Variants in CLU observed in about 807,000 individuals in gnomAD.
CLU encodes aging-associated protein 4.
CLU carries 25 observed loss-of-function variants against 46.4 expected under a neutral mutation model. That is an observed-to-expected ratio of 0.54 (90% CI 0.39 to 0.75). The LOEUF (loss-of-function observed/expected upper bound fraction) is 0.75, where lower values mean the gene tolerates loss of function less well. Ranked by LOEUF, CLU falls within the 30% of genes least tolerant of loss-of-function variation. The pLI is 0.00. For synonymous variants in CLU, 235 were observed against 235.1 expected (o/e 1.00, Z 0.00); for missense variants, 504 against 592.1 (o/e 0.85, Z 1.54).
At chr8:27,603,682 C>T (rs906613745) in intron 6 of CLU, among the ~76,000 whole-genome samples, 12 of 152,170 alleles carry the variant, frequency 7.9e-5, no homozygotes, top group African/African-American at 2.4e-4. Flanking sequence ...TACTGAGACC[C>T]GTGACTTCTG....
chr8:27,608,695 T>C (rs1226205421), intron 3 of CLU: 5 of 596,550 alleles, frequency 8.4e-6, no homozygotes, highest in Non-Finnish European at 1.5e-5. Flanking sequence ...TCTATTGAAA[T>C]GAATCTGGGC....
rs199674428 is a variant in CLU, at chr8:27,608,892, C to T, written c.246+46G>A. 3.1e-6 allele frequency: 5 copies of T among 1,610,502 alleles called. No homozygotes were observed. In the South Asian group the frequency reaches 4.4e-5, roughly 14 times the overall value. The stretch of plus-strand genomic sequence containing the variant: ...CGCGCAGTGACCCCCTCCCTCCCCT[C>T]CAGTGGGATGGTCAAGGCAGGGAGG... On this transcript the variant is annotated intron_variant, in intron 3 of 8. Transcript: ENST00000316403.
chr8:27,605,398 C>A, intron 4 of CLU, 63 bp from the exon 5 acceptor site: 3 of 1,569,750 alleles, frequency 1.9e-6, no homozygotes, highest in Non-Finnish European at 2.6e-6. Flanking sequence ...TCCTGGCCTC[C>A]CACCCCCTGG....
chr8:27,611,588 T>C (rs953109057), intron 1 of CLU: 8 of 457,602 alleles, frequency 1.7e-5, no homozygotes, highest in South Asian at 1.2e-4. Flanking sequence ...AAGAACTGCT[T>C]ATCTGAGCTC....
intron 1 of CLU, chr8:27,611,187 C>T (rs1362012253): frequency 4.4e-6 from 2 of 454,054 alleles, no homozygotes; most frequent in Non-Finnish European, 8.8e-6. Flanking sequence ...AGCAGCCAGC[C>T]CTTCACACCG....
chr8:27,598,206 G>C lies in CLU; in HGVS notation c.*35C>G. The C allele has an allele frequency of 6.2e-7, 1 of 1,611,448 alleles. No individual in the cohort carries two copies. Among genetic ancestry groups the C allele is most frequent in the Non-Finnish European group, 8.5e-7 (1 of 1,177,894 alleles). Reference sequence around the variant, plus strand: ...CTCATCTTGGGGGGAGCTGGACTCAGATGCCCCCGTAGGTGCAAAAGCAAC... The same window carrying C: ...CTCATCTTGGGGGGAGCTGGACTCACATGCCCCCGTAGGTGCAAAAGCAAC... On this transcript the variant is annotated 3_prime_UTR_variant, in exon 9 of 9. Coordinates refer to ENST00000316403, the MANE Select transcript of CLU (RefSeq NM_001831.4).
intron 3 of CLU, chr8:27,608,544 C>T: frequency 2.8e-6 from 1 of 360,768 alleles, no homozygotes; most frequent in Non-Finnish European, 5.2e-6. Flanking sequence ...ACGTGGGGTG[C>T]TGTGTGCCTG....
intron 2 of CLU, among the ~76,000 whole-genome samples, chr8:27,609,324 ACCCAGAGTTATG>A (rs1384460986): frequency 6.6e-5 from 10 of 151,906 alleles, no homozygotes; most frequent in Non-Finnish European, 1.2e-4. Context: ...GAGCCGGCAC[ACCCAGAGTTATG>A]CCCAGCCACT....
chr8:27,610,159 GAC>G (rs1175797877), intron 2 of CLU, among the ~76,000 whole-genome samples: 17 of 152,268 alleles, frequency 1.1e-4, no homozygotes, highest in African/African-American at 3.8e-4. Context: ...CGGTGGTCCA[GAC>G]ACAGCTTCGT....
chr8:27,602,931 G>T (rs1800747544), intron 6 of CLU, among the ~76,000 whole-genome samples: 1 of 151,998 alleles, frequency 6.6e-6, no homozygotes, highest in Admixed American at 6.6e-5. Context: ...TGGGTGTGGT[G>T]GTGCACACCT....
Position 27,599,888 on chromosome 8 carries a change from C to G in CLU, c.1056G>C (p.Met352Ile). ...GCTCCAGCAAGGAGGAGGTGTTGAG[C>G]ATCTTCCACTGGTAGGACTTTAGCA... ...NELLKSYQWK[M>I]LNTSSLLEQL... Residue 352 changes from methionine (M) to isoleucine (I), a missense_variant, in exon 7 of 9, where the codon ATG becomes ATC. This residue lies in a region of CLU where 428 missense variants were observed against 484.0 expected (regional missense o/e 0.88). Coordinates refer to ENST00000316403, the MANE Select transcript of CLU (RefSeq NM_001831.4). The surrounding 1 kb of genome is among the most constrained non-coding windows in gnomAD (Gnocchi z 4.0). 6.2e-7 allele frequency: 1 copy of G among 1,614,228 alleles called. No homozygotes were observed. The highest frequency in any genetic ancestry group is 8.5e-7 in the Non-Finnish European group (1 of 1,180,026).
intron 6 of CLU, among the ~76,000 whole-genome samples, chr8:27,602,996 C>T (rs1044728822): frequency 1.2e-4 from 18 of 152,080 alleles, no homozygotes; most frequent in African/African-American, 3.1e-4. Flanking sequence ...ACCCAGGAGG[C>T]GGAGGTCGCA....
intron 1 of CLU, among the ~76,000 whole-genome samples, chr8:27,612,974 G>C (rs1800956214): frequency 7.3e-6 from 1 of 137,618 alleles, no homozygotes; most frequent in Non-Finnish European, 1.6e-5. Flanking sequence ...GGGCAGGGGG[G>C]GCGGGGGGAG....
chr8:27,598,842 G>T lies in CLU; in HGVS notation c.1165-207C>A, dbSNP rs371765383. ...GGTTCACAGACACTCATGTGTTGGG[G>T]CAAATGTCATCTGCAAATGACCAGC... On this transcript the variant is annotated intron_variant, in intron 7 of 8. Coordinates refer to ENST00000316403, the MANE Select transcript of CLU (RefSeq NM_001831.4). 2.0e-4 allele frequency: 118 copies of T among 598,104 alleles called. No individual in the cohort carries two copies. In the African/African-American group the frequency reaches 2.0e-3, roughly 10 times the overall value. The allele number at this position is 598,104 out of a possible 1,614,324, so 37.0% of individuals were successfully genotyped here.
rs754448694 is a variant in CLU, at chr8:27,604,256, A to AG, written c.934+34dup. The AG allele has an allele frequency of 5.2e-6, 4 of 765,896 alleles. No homozygotes were observed. In the South Asian group the frequency reaches 8.6e-5, roughly 16 times the overall value. 47.4% of individuals were successfully genotyped at this position (765,896 alleles called of 1,614,324 possible). ...CAGTGACCCCAGGACACAAGGGATCAGGGGGGACGGCTTGTGGTCTGGACC... is the reference window on the plus strand; with the variant it reads ...CAGTGACCCCAGGACACAAGGGATCAGGGGGGGACGGCTTGTGGTCTGGACC... On this transcript the variant is annotated intron_variant, in intron 6 of 8. Coordinates refer to ENST00000316403, the MANE Select transcript of CLU (RefSeq NM_001831.4).
chr8:27,613,700 T>G (rs1040744436), intron 1 of CLU: 1 of 152,198 alleles, frequency 6.6e-6, no homozygotes, highest in African/African-American at 2.4e-5. Flanking sequence ...GGGCATACTT[T>G]TATGGCTATG....
At chr8:27,598,385 A>G in intron 8 of CLU, 75 bp downstream of exon 8, 3 of 1,603,572 alleles carry the variant, frequency 1.9e-6, no homozygotes, top group Non-Finnish European at 2.6e-6. Flanking sequence ...TAGAGTCTGC[A>G]CTTTGTTTGT....
At chr8:27,611,455 C>G (rs1322064825) in intron 1 of CLU, 4 of 455,906 alleles carry the variant, frequency 8.8e-6, no homozygotes, top group Non-Finnish European at 1.3e-5. Flanking sequence ...GGCTGGCTGC[C>G]CTGAGCCACG....
intron 3 of CLU, among the ~76,000 whole-genome samples, 181 bp from the exon 4 acceptor site, chr8:27,606,705 C>T (rs540536478): frequency 3.3e-5 from 5 of 152,384 alleles, no homozygotes; most frequent in Admixed American, 3.3e-4. Context: ...CCTGGAATCC[C>T]CTTCCCACCT....
Sources: gnomAD v4.1 joint callset for allele counts (sites outside exome capture counted in the v4.1 genomes callset) on GRCh38, gnomAD v4.1.1 for gene constraint, gnomAD v4.1.1 regional missense constraint, Gnocchi (gnomAD v3.1) non-coding constraint, MANE v1.5 for transcripts, NCBI Gene and HGNC (gene_info 2026-07-23, HGNC 2026-07-21) for gene names.